The following MACF1 variants were observed in gnomAD, a reference collection of about 807,000 sequenced individuals.
MACF1 encodes microtubule-actin cross-linking factor 1.
In MACF1, 193 loss-of-function variants were observed where a neutral mutation model predicts 854.8. The observed-to-expected ratio is 0.23, with a 90% CI of 0.20 to 0.25. MACF1 has a LOEUF of 0.25. Ranked by LOEUF, MACF1 falls within the 10% of genes least tolerant of loss-of-function variation. The probability of loss-of-function intolerance (pLI) is 1.00; values close to 1 mark genes in which losing one functional copy is unlikely to be tolerated. For missense variants in MACF1, 7,722 were observed against 8,929.1 expected, an observed-to-expected ratio of 0.86 and a Z score of 5.45; for synonymous variants, 3,185 against 3,226.7, an observed-to-expected ratio of 0.99 and a Z score of 0.44.
intron 2 of MACF1, among the ~76,000 whole-genome samples, chr1:39,242,803 G>A (rs1022015549): frequency 2.6e-5 from 4 of 151,542 alleles, no homozygotes; most frequent in Admixed American, 1.3e-4. Flanking sequence ...CCAACACTTT[G>A]GGAGGCTGAG....
rs1218844508 is a variant in MACF1 at position 39,484,632 on chromosome 1, G to A, written c.22313G>A (p.Arg7438Gln). 4 of 1,613,654 alleles carry A rather than the reference G, an allele frequency of 2.5e-6. No individual in the cohort carries two copies. The South Asian group carries it at 3.3e-5, about 13-fold the overall frequency. The part of the protein sequence containing the change: ...VIPSSGSKLK[R>Q]PTPTFHSSRT... ...CCATCATCAGGTAGCAAGTTGAAAC[G>A]ACCAACACCAACTTTTCATTCTAGT... The change falls in exon 100 of 101, where the codon CGA (arginine) becomes CAA (glutamine). Residue 7438 changes from arginine to glutamine, a missense_variant. Around this residue, in one of 15 missense-constraint regions of MACF1, gnomAD observed 185 missense variants for 225.7 expected, o/e 0.82. Coordinates refer to ENST00000564288, the MANE Select transcript of MACF1 (RefSeq NM_001394062.1).
chr1:39,268,488 A>T, intron 6 of MACF1: 2 of 1,133,722 alleles, frequency 1.8e-6, no homozygotes, highest in South Asian at 2.0e-5. Flanking sequence ...GTCTTGTTGC[A>T]GCTCTGAGCC....
intron 2 of MACF1, among the ~76,000 whole-genome samples, chr1:39,123,045 T>C (rs375524062): frequency 2.6e-5 from 4 of 152,082 alleles, no homozygotes; most frequent in African/African-American, 9.7e-5. Flanking sequence ...TGGGAGTAGA[T>C]CTTTTTCATT....
At chr1:39,226,847 T>G (rs2148298043) in intron 1 of MACF1, among the ~76,000 whole-genome samples, 1 of 152,208 alleles carries the variant, frequency 6.6e-6, no homozygotes, top group Admixed American at 6.5e-5. Context: ...AAAAAAGAAA[T>G]TATAAAAAAA....
intron 58 of MACF1, among the ~76,000 whole-genome samples, chr1:39,390,474 A>G (rs2148573584): frequency 6.6e-6 from 1 of 152,326 alleles, no homozygotes. Context: ...CCTTCTTACC[A>G]TGTTTGGAGA....
At chr1:39,221,422 A>T (rs1644650235) in intron 1 of MACF1, among the ~76,000 whole-genome samples, 1 of 152,220 alleles carries the variant, frequency 6.6e-6, no homozygotes, top group African/African-American at 2.4e-5. Flanking sequence ...CCTTATCTTC[A>T]GTTCTGACTG....
At chr1:39,309,298 A>G (rs913071299) in intron 23 of MACF1, among the ~76,000 whole-genome samples, 4 of 151,334 alleles carry the variant, frequency 2.6e-5, no homozygotes, top group African/African-American at 7.3e-5. Flanking sequence ...AGGTCTCACT[A>G]TGTCGCCCAG....
At chr1:39,087,920 G>T (rs1641713959) in intron 2 of MACF1, among the ~76,000 whole-genome samples, 1 of 151,394 alleles carries the variant, frequency 6.6e-6, no homozygotes, top group African/African-American at 2.4e-5. Context: ...TTACAGGCGT[G>T]TGCCACCATG....
chr1:39,170,801 C>T (rs1643938140), intron 2 of MACF1, among the ~76,000 whole-genome samples: 1 of 152,182 alleles, frequency 6.6e-6, no homozygotes, highest in African/African-American at 2.4e-5. Flanking sequence ...GGATGAAGCC[C>T]ATCTGTGGGA....
chr1:39,279,586 C>T (rs981651149), intron 6 of MACF1, among the ~76,000 whole-genome samples: 1 of 152,022 alleles, frequency 6.6e-6, no homozygotes. Context: ...ATTGACATGC[C>T]GGTGTTTTCT....
chr1:39,410,806 C>G, intron 58 of MACF1: 4 of 1,613,948 alleles, frequency 2.5e-6, no homozygotes, highest in Non-Finnish European at 3.4e-6. Flanking sequence ...AAGTTCTGGT[C>G]ATTTGGACCA....
At position 39,283,040 on chromosome 1, in the gene MACF1, T is replaced by C; in HGVS notation, c.696-149T>C. 1 of 596,202 alleles carries C rather than the reference T, an allele frequency of 1.7e-6. No individual in the cohort carries two copies. Among genetic ancestry groups the C allele is most frequent in the Non-Finnish European group, 3.0e-6 (1 of 335,234 alleles). 36.9% of individuals were successfully genotyped at this position (596,202 alleles called of 1,614,324 possible). A position where few individuals can be genotyped will look rare whatever the true frequency, so the allele number is the denominator to read the frequency against. ...TGGGCCCCTGGTGTATACTTAAAAATGGAATTTGTACTCTTCTAAACCTCC... is the reference window on the plus strand; with the variant it reads ...TGGGCCCCTGGTGTATACTTAAAAACGGAATTTGTACTCTTCTAAACCTCC... On this transcript the variant is annotated intron_variant, in intron 7 of 100. Transcript: ENST00000564288. This position sits in a 1 kb window ranked among gnomAD's most constrained non-coding sequence, Gnocchi z 4.5.
intron 58 of MACF1, among the ~76,000 whole-genome samples, chr1:39,392,922 C>G (rs1402860027): frequency 6.6e-6 from 1 of 151,928 alleles, no homozygotes; most frequent in African/African-American, 2.4e-5. Flanking sequence ...TTACCAGGTT[C>G]AGCTCTCTGT....
At chr1:39,271,674 G>T (rs1192063634) in intron 6 of MACF1, among the ~76,000 whole-genome samples, 1 of 152,152 alleles carries the variant, frequency 6.6e-6, no homozygotes, top group African/African-American at 2.4e-5. Flanking sequence ...TGTACAACTG[G>T]CATTAAAATT....
At chr1:39,478,072 G>A (rs1377959195) in intron 97 of MACF1, among the ~76,000 whole-genome samples, 2 of 141,038 alleles carry the variant, frequency 1.4e-5, no homozygotes, top group African/African-American at 5.4e-5. Flanking sequence ...GCACGATCTC[G>A]GCTCACTGCA....
At chr1:39,379,918 C>T (rs1650028780) in intron 54 of MACF1, among the ~76,000 whole-genome samples, 1 of 152,168 alleles carries the variant, frequency 6.6e-6, no homozygotes, top group African/African-American at 2.4e-5. Flanking sequence ...TTTTAATATT[C>T]CCATTGAGCG....
chr1:39,302,914 A>C lies in MACF1; in HGVS notation c.2635-10A>C. ...TCCATTAGCAATCACTGGTAAATTT[A>C]TCTCTTCAGATTACTATTTGCAAAA... On this transcript the variant is annotated splice_polypyrimidine_tract_variant and intron_variant, in intron 22 of 100. Coordinates refer to ENST00000564288, the MANE Select transcript of MACF1 (RefSeq NM_001394062.1). 3 of 1,610,388 alleles carry C rather than the reference A, an allele frequency of 1.9e-6. No homozygotes were observed. Among genetic ancestry groups the C allele is most frequent in the Non-Finnish European group, 2.5e-6 (3 of 1,176,998 alleles).
In MACF1 at chr1:39,486,702, G is replaced by GT. The variant is rs1338602360; in HGVS notation, c.*909dup. The GT allele has an allele frequency of 6.6e-6, 1 of 152,600 alleles. No individual in the cohort carries two copies. The highest frequency in any genetic ancestry group is 1.5e-5 in the Non-Finnish European group (1 of 68,032). 9.5% of individuals were successfully genotyped at this position (152,600 alleles called of 1,614,324 possible). A position where few individuals can be genotyped will look rare whatever the true frequency, so the allele number is the denominator to read the frequency against. On this transcript the variant is annotated 3_prime_UTR_variant, in exon 101 of 101. Transcript: ENST00000564288. Reference sequence around the variant, plus strand: ...ACGAGCCTGTTCTGAAAATGTGGACGTAAGACAAACACGTGCTCGTCCTTT... The same window carrying GT: ...ACGAGCCTGTTCTGAAAATGTGGACGTTAAGACAAACACGTGCTCGTCCTTT...
intron 60 of MACF1, among the ~76,000 whole-genome samples, 171 bp from the exon 61 acceptor site, chr1:39,423,857 G>C (rs908533388): frequency 9.2e-5 from 14 of 151,784 alleles, no homozygotes; most frequent in Admixed American, 9.2e-4. Context: ...AAGTATACGA[G>C]TGGTGAGAAC....
Sources: allele counts gnomAD v4.1 joint callset (sites outside exome capture counted in the v4.1 genomes callset), GRCh38; gene constraint gnomAD v4.1.1; regional missense constraint gnomAD v4.1.1; non-coding constraint Gnocchi (gnomAD v3.1); transcripts MANE v1.5; gene names NCBI Gene and HGNC (gene_info 2026-07-23, HGNC 2026-07-21).